Variants in LSAMP observed in about 807,000 individuals in gnomAD.
LSAMP encodes the protein limbic system-associated membrane protein.
LSAMP carries 7 observed loss-of-function variants against 38.6 expected under a neutral mutation model. The ratio of observed to expected loss-of-function variants is 0.18; its 90% CI spans 0.10 to 0.34. LSAMP has a LOEUF of 0.34. LSAMP is among the 10% of genes least tolerant of loss of function. LSAMP has a pLI of 1.00. For missense variants in LSAMP, 313 were observed against 420.0 expected (o/e 0.75, Z 2.23); for synonymous variants, 154 against 166.8 (o/e 0.92, Z 0.59).
intron 1 of LSAMP, among the ~76,000 whole-genome samples, chr3:116,274,190 G>T (rs1316395461): frequency 6.6e-6 from 1 of 152,070 alleles, no homozygotes; most frequent in Non-Finnish European, 1.5e-5. Flanking sequence ...TGGTTCATGT[G>T]CTAGAATTTG....
intron 1 of LSAMP, among the ~76,000 whole-genome samples, chr3:116,212,051 C>G (rs2046164291): frequency 6.6e-6 from 1 of 152,120 alleles, no homozygotes; most frequent in Admixed American, 6.6e-5. Flanking sequence ...GAAAAGAGTG[C>G]TAAAGAAGGA....
intron 6 of LSAMP, among the ~76,000 whole-genome samples, chr3:115,840,292 A>G (rs1934955485): frequency 1.3e-5 from 2 of 152,168 alleles, no homozygotes; most frequent in Admixed American, 1.3e-4. Context: ...GTTCTGCTTA[A>G]CCAGGTCAAC....
In LSAMP at chr3:115,992,255, G is replaced by T. The variant is rs189980710; in HGVS notation, c.514+27260C>A. Among the ~76,000 whole-genome samples, 268 of 152,158 alleles carry T rather than the reference G, an allele frequency of 1.8e-3. 1 individual carries two copies. Among genetic ancestry groups the T allele is most frequent in the African/African-American group, 6.4e-3 (264 of 41,542 alleles). On this transcript the variant is annotated intron_variant, in intron 3 of 6. Transcript: ENST00000490035. ...TACAGATGAGGACCCAGTCAAGATG[G>T]CAGTGTAAGCTCTCATTTGCAATGG... is the stretch of plus-strand genomic sequence containing the variant.
At chr3:115,928,328 T>C (rs572803298) in intron 3 of LSAMP, among the ~76,000 whole-genome samples, 41 of 152,300 alleles carry the variant, frequency 2.7e-4, no homozygotes, top group Non-Finnish European at 5.4e-4. Context: ...AAACCACTGT[T>C]CATAGAACAT....
chr3:116,376,323 T>TA (rs2048492236), intron 1 of LSAMP, among the ~76,000 whole-genome samples: 1 of 152,032 alleles, frequency 6.6e-6, no homozygotes, highest in African/African-American at 2.4e-5. Context: ...TTATTTTGGA[T>TA]AAAAAATGTG....
chr3:116,332,779 G>A (rs1459795758), intron 1 of LSAMP, among the ~76,000 whole-genome samples: 1 of 152,036 alleles, frequency 6.6e-6, no homozygotes, highest in Non-Finnish European at 1.5e-5. Flanking sequence ...CAAATAGGTT[G>A]AAAGTGAAAG....
At chr3:116,105,319 G>T (rs1399741068) in intron 1 of LSAMP, among the ~76,000 whole-genome samples, 1 of 152,152 alleles carries the variant, frequency 6.6e-6, no homozygotes, top group African/African-American at 2.4e-5. Flanking sequence ...AGACCTTCCA[G>T]CTTCTCCAGC....
chr3:116,270,263 A>AAAAG (rs1246856192), intron 1 of LSAMP, among the ~76,000 whole-genome samples: 6 of 152,074 alleles, frequency 3.9e-5, no homozygotes, highest in East Asian at 1.9e-4. Flanking sequence ...CGGAAATGAT[A>AAAAG]AAAGACTGCT....
chr3:115,927,744 C>T (rs1157568885), intron 3 of LSAMP, among the ~76,000 whole-genome samples: 1 of 152,104 alleles, frequency 6.6e-6, no homozygotes, highest in Non-Finnish European at 1.5e-5. Flanking sequence ...CCAGGAAAGG[C>T]CTTTCTCCAG....
chr3:116,268,091 T>TAAC (rs2046915845), intron 1 of LSAMP, among the ~76,000 whole-genome samples: 2 of 152,164 alleles, frequency 1.3e-5, no homozygotes, highest in South Asian at 2.1e-4. Flanking sequence ...ATAAAAACCC[T>TAAC]AACTTGTTAA....
intron 3 of LSAMP, among the ~76,000 whole-genome samples, chr3:115,887,368 C>A (rs1936482430): frequency 6.6e-6 from 1 of 151,700 alleles, no homozygotes; most frequent in African/African-American, 2.4e-5. Flanking sequence ...AATATGAAAT[C>A]AAAGTAAAGA....
At chr3:116,009,627 A>G (rs2107673346) in intron 3 of LSAMP, among the ~76,000 whole-genome samples, 1 of 152,284 alleles carries the variant, frequency 6.6e-6, no homozygotes, top group East Asian at 1.9e-4. Context: ...GCCATCTAAT[A>G]TTGGCCACAA....
intron 2 of LSAMP, among the ~76,000 whole-genome samples, chr3:116,033,660 C>T (rs1940981446): frequency 6.6e-6 from 1 of 152,092 alleles, no homozygotes; most frequent in Non-Finnish European, 1.5e-5. Flanking sequence ...CAGCCACGAC[C>T]CTCTGTGACT....
intron 1 of LSAMP, among the ~76,000 whole-genome samples, chr3:116,407,399 G>A (rs2048910759): frequency 6.6e-6 from 1 of 152,010 alleles, no homozygotes; most frequent in Non-Finnish European, 1.5e-5. Context: ...TCTCAATACT[G>A]ATTATTGCAA....
chr3:116,004,029 T>A (rs917328550), intron 3 of LSAMP, among the ~76,000 whole-genome samples: 1 of 152,188 alleles, frequency 6.6e-6, no homozygotes, highest in Non-Finnish European at 1.5e-5. Flanking sequence ...CAAACATTAC[T>A]GAGAAAAACT....
intron 3 of LSAMP, among the ~76,000 whole-genome samples, chr3:115,890,028 C>A (rs1272772798): frequency 2.0e-5 from 3 of 151,904 alleles, no homozygotes; most frequent in Non-Finnish European, 4.4e-5. Flanking sequence ...TTTATGTAAA[C>A]AAATAAAAAA....
At chr3:116,352,255 G>A (rs1455762501) in intron 1 of LSAMP, among the ~76,000 whole-genome samples, 2 of 152,122 alleles carry the variant, frequency 1.3e-5, no homozygotes, top group Non-Finnish European at 2.9e-5. Context: ...TGTGGAATTA[G>A]TTTATCATGG....
chr3:115,936,865 G>A (rs929910231), intron 3 of LSAMP, among the ~76,000 whole-genome samples: 5 of 152,034 alleles, frequency 3.3e-5, no homozygotes, highest in African/African-American at 1.2e-4. Flanking sequence ...GGAAGTTTGG[G>A]GAAATGCACA....
chr3:116,342,478 T>C (rs1381952341), intron 1 of LSAMP, among the ~76,000 whole-genome samples: 2 of 152,096 alleles, frequency 1.3e-5, no homozygotes, highest in African/African-American at 4.8e-5. Flanking sequence ...TTCTCAAATG[T>C]ATGAACAAAG....
Sources: gnomAD v4.1 joint callset for allele counts (sites outside exome capture counted in the v4.1 genomes callset) on GRCh38, gnomAD v4.1.1 for gene constraint, MANE v1.5 for transcripts, NCBI Gene and HGNC (gene_info 2026-07-23, HGNC 2026-07-21) for gene names.